Variants in TYMS observed in about 807,000 individuals in gnomAD.
TYMS encodes the protein thymidylate synthetase, also known as thymidylate synthase.
A neutral mutation model predicts 39.3 loss-of-function variants in TYMS; 21 were observed. That is an observed-to-expected ratio of 0.54 (90% CI 0.38 to 0.77). The LOEUF (loss-of-function observed/expected upper bound fraction) is 0.77. Ranked by LOEUF, TYMS falls within the 30% of genes least tolerant of loss-of-function variation. The pLI is 0.00. For synonymous variants in TYMS, 171 were observed against 162.2 expected (o/e 1.05, Z -0.41); for missense variants, 273 against 406.7 (o/e 0.67, Z 2.83).
intron 1 of TYMS, among the ~76,000 whole-genome samples, chr18:659,132 A>G (rs2074728754): frequency 6.6e-6 from 1 of 152,212 alleles, no homozygotes; most frequent in African/African-American, 2.4e-5. Flanking sequence ...AATTCTGATA[A>G]AAGCAGGTGC....
At chr18:666,963 A>ATGGTGATGGAGATGGT in intron 3 of TYMS, among the ~76,000 whole-genome samples, 1 of 15,908 alleles carries the variant, frequency 6.3e-5, no homozygotes, top group Non-Finnish European at 1.1e-4. Flanking sequence ...ATGGAGATGG[A>ATGGTGATGGAGATGGT]GATGGTGATG....
At chr18:671,810 C>G (rs1411865873) in intron 6 of TYMS, 2 of 249,438 alleles carry the variant, frequency 8.0e-6, no homozygotes, top group Non-Finnish European at 1.5e-5. Flanking sequence ...TGGAGTCTTT[C>G]TCTGTCGGCC....
At position 658,309 on chromosome 18, in the gene TYMS, G is replaced by T; in HGVS notation, c.205+362G>T. 1 of 1,383,746 alleles carries T rather than the reference G, an allele frequency of 7.2e-7. No individual in the cohort carries two copies. The highest frequency in any genetic ancestry group is 2.2e-5 in the Admixed American group (1 of 44,986). 85.7% of individuals were successfully genotyped at this position (1,383,746 alleles called of 1,614,324 possible). ...AGCTGCCTGGGCTTGACCGCGCGCCGGTCTCAAAGTCCTGGCTTTGGCCCC... is the reference window on the plus strand; with the variant it reads ...AGCTGCCTGGGCTTGACCGCGCGCCTGTCTCAAAGTCCTGGCTTTGGCCCC... On this transcript the variant is annotated intron_variant, in intron 1 of 6. Coordinates refer to ENST00000323274, the MANE Select transcript of TYMS (RefSeq NM_001071.4). The surrounding 1 kb of genome is among the most constrained non-coding windows in gnomAD (Gnocchi z 4.5).
At chr18:666,951 T>A (rs80163547) in intron 3 of TYMS, among the ~76,000 whole-genome samples, 855 of 21,200 alleles carry the variant, frequency 0.04, 96 homozygotes, top group East Asian at 0.092. Context: ...ATGGTGATGG[T>A]GATGGAGATG....
At chr18:661,751 C>T (rs1380236841) in intron 2 of TYMS, among the ~76,000 whole-genome samples, 3 of 152,110 alleles carry the variant, frequency 2.0e-5, no homozygotes, top group South Asian at 2.1e-4. Flanking sequence ...TTCGGGAGGC[C>T]GAAGTGGGCG....
chr18:671,225 TAAC>T (rs1481936067), intron 5 of TYMS, 152 bp from the exon 6 acceptor site: 8 of 652,246 alleles, frequency 1.2e-5, no homozygotes, highest in African/African-American at 1.8e-5. Flanking sequence ...CTGGGCAACA[TAAC>T]AAGATGCTGT....
intron 3 of TYMS, 24 bp from the exon 4 acceptor site, chr18:669,048 C>A (rs374649527): frequency 2.1e-5 from 33 of 1,583,954 alleles, no homozygotes; most frequent in Non-Finnish European, 2.8e-5. Flanking sequence ...ATGTACCTGT[C>A]CTCTCTTTTT....
rs1475565674 is a variant in TYMS at position 660,315 on chromosome 18, C to T, written c.279+601C>T. 6.6e-6 allele frequency among the ~76,000 whole-genome samples: 1 copy of T among 152,176 alleles called. No individual in the cohort carries two copies. The highest frequency in any genetic ancestry group is 2.4e-5 in the African/African-American group (1 of 41,458). ...TCTTCCTTTGAGTCTCTACTCCACT[C>T]GGGCAAGCCTTCCTAGACCTCCTGA... On this transcript the variant is annotated intron_variant, in intron 2 of 6. Coordinates refer to ENST00000323274, the MANE Select transcript of TYMS (RefSeq NM_001071.4). The surrounding 1 kb of genome is among the most constrained non-coding windows in gnomAD (Gnocchi z 4.6).
At position 657,800 on chromosome 18, in the gene TYMS, C is replaced by T; in HGVS notation, c.58C>T (p.Arg20Trp). Reference sequence around the variant, plus strand: ...GCCCTTGCCCCCCGCCGCACAGGAGCGGGACGCCGAGCCGCGTCCGCCGCA... The same window carrying T: ...GCCCTTGCCCCCCGCCGCACAGGAGTGGGACGCCGAGCCGCGTCCGCCGCA... ...RRPLPPAAQE[R>W]DAEPRPPHGE... Residue 20 changes from arginine (R) to tryptophan (W), a missense_variant, in exon 1 of 7, where the codon CGG becomes TGG. Around this residue, in one of 3 missense-constraint regions of TYMS, gnomAD observed 228 missense variants for 326.1 expected, o/e 0.70. Coordinates refer to ENST00000323274, the MANE Select transcript of TYMS (RefSeq NM_001071.4). The T allele has an allele frequency of 1.4e-6, 2 of 1,464,058 alleles. No individual in the cohort carries two copies. Among genetic ancestry groups the T allele is most frequent in the South Asian group, 2.8e-5 (2 of 72,186 alleles). 90.7% of individuals were successfully genotyped at this position (1,464,058 alleles called of 1,614,324 possible). A position where few individuals can be genotyped will look rare whatever the true frequency, so the allele number is the denominator to read the frequency against.
In TYMS at chr18:670,759, G is replaced by A; in HGVS notation, c.624G>A (p.Leu208=). ...AGTTCTATGTGGTGAACAGTGAGCT[G>A]TCCTGCCAGCTGTACCAGAGATCGG... is the stretch of plus-strand genomic sequence containing the variant. The part of the protein sequence containing the change: ...LCQFYVVNSE[L]SCQLYQRSGD... The change falls in exon 5 of 7, where the codon CTG becomes CTA. Residue 208 remains leucine (L), a synonymous_variant. Transcript: ENST00000323274. 4 of 1,614,206 alleles carry A rather than the reference G, an allele frequency of 2.5e-6. No individual in the cohort carries two copies. The highest frequency in any genetic ancestry group is 3.4e-6 in the Non-Finnish European group (4 of 1,180,048).
chr18:669,210 ATACTCT>A (rs1567992357), intron 4 of TYMS, 37 bp downstream of exon 4: 1 of 1,573,032 alleles, frequency 6.4e-7, no homozygotes, highest in Non-Finnish European at 8.7e-7. Context: ...TATACTAACC[ATACTCT>A]TAGAGGGAAG....
At chr18:667,731 G>C (rs554933192) in intron 3 of TYMS, 1 of 152,190 alleles carries the variant, frequency 6.6e-6, no homozygotes, top group Non-Finnish European at 1.5e-5. Context: ...AAGCTGCTGC[G>C]TGGGCCAAGT....
intron 2 of TYMS, among the ~76,000 whole-genome samples, chr18:661,085 A>C (rs1345639724): frequency 6.6e-6 from 1 of 152,224 alleles, no homozygotes; most frequent in African/African-American, 2.4e-5. Context: ...GAATGGATGA[A>C]AAGGAGAGAC....
chr18:665,127 G>A (rs1327479410), intron 3 of TYMS, among the ~76,000 whole-genome samples: 1 of 149,784 alleles, frequency 6.7e-6, no homozygotes, highest in African/African-American at 2.5e-5. Context: ...GGTAGAATTC[G>A]GCTGTGAATC....
rs2074874644 is a variant in TYMS, at chr18:667,487, TGATGGTGATGGA to T, written c.455-1573_455-1562del. Among the ~76,000 whole-genome samples the T allele has an allele frequency of 1.7e-4, 5 of 28,992 alleles. 1 individual carries two copies. Among genetic ancestry groups the T allele is most frequent in the African/African-American group, 5.8e-4 (2 of 3,456 alleles). The allele number at this position is 28,992 out of a possible 152,430, so 19.0% of individuals were successfully genotyped here. A position where few individuals can be genotyped will look rare whatever the true frequency, so the allele number is the denominator to read the frequency against. On this transcript the variant is annotated intron_variant, in intron 3 of 6. Transcript: ENST00000323274. ...GAGATGGTGATGGTGATGGTGATGGTGATGGTGATGGAGATGGTGATGGTGATGGTGATGGTG... is the reference window on the plus strand; with the variant it reads ...GAGATGGTGATGGTGATGGTGATGGTGATGGTGATGGTGATGGTGATGGTG...
Position 667,467 on chromosome 18 carries a change from GGT to G in TYMS, c.455-1603_455-1602del, listed in dbSNP as rs1429753539. On this transcript the variant is annotated intron_variant, in intron 3 of 6. Transcript: ENST00000323274. ...TGATGGTGATGGTGATGATGGAGAT[GGT>G]GATGGTGATGGTGATGGTGATGGTG... Among the ~76,000 whole-genome samples the G allele has an allele frequency of 6.4e-4, 10 of 15,544 alleles. 3 individuals carry two copies. The highest frequency in any genetic ancestry group is 3.0e-3 in the African/African-American group (5 of 1,648). The allele number at this position is 15,544 out of a possible 152,430, so 10.2% of individuals were successfully genotyped here. A position where few individuals can be genotyped will look rare whatever the true frequency, so the allele number is the denominator to read the frequency against.
At chr18:663,447 T>G (rs76206895) in intron 3 of TYMS, among the ~76,000 whole-genome samples, 7,581 of 62,786 alleles carry the variant, frequency 0.12, 859 homozygotes, top group Middle Eastern at 0.29. Context: ...TTGCAAAAAT[T>G]TTCTCCCATT....
rs1241347689 is a variant in TYMS, at chr18:663,541, TTG to T, written c.454+1223_454+1224del. On this transcript the variant is annotated intron_variant, in intron 3 of 6. Transcript: ENST00000323274. ...TTTAATTAGATCCCATTTGTCAATT[TTG>T]TCTTTTGTTGCCATTGCTTTTGGTG... 3.4e-5 allele frequency among the ~76,000 whole-genome samples: 3 copies of T among 87,132 alleles called. 1 individual carries two copies. The highest frequency in any genetic ancestry group is 6.2e-5 in the Non-Finnish European group (3 of 48,588). The allele number at this position is 87,132 out of a possible 152,430, so 57.2% of individuals were successfully genotyped here. A position where few individuals can be genotyped will look rare whatever the true frequency, so the allele number is the denominator to read the frequency against.
In TYMS at chr18:659,684, T is replaced by C. The variant is rs2074736789; in HGVS notation, c.249T>C (p.Gly83=). 1 of 1,613,930 alleles carries C rather than the reference T, an allele frequency of 6.2e-7. No individual in the cohort carries two copies. The highest frequency in any genetic ancestry group is 1.3e-5 in the African/African-American group (1 of 74,882). Residue 83 remains glycine, a synonymous_variant, in exon 2 of 7, where the codon GGT becomes GGC. Coordinates refer to ENST00000323274, the MANE Select transcript of TYMS (RefSeq NM_001071.4). ...LLTTKRVFWK[G]VLEELLWFIK... ...CAACCAAACGTGTGTTCTGGAAGGG[T>C]GTTTTGGAGGAGTTGCTGTGGTTTA...
Sources: allele counts gnomAD v4.1 joint callset (sites outside exome capture counted in the v4.1 genomes callset), GRCh38; gene constraint gnomAD v4.1.1; regional missense constraint gnomAD v4.1.1; non-coding constraint Gnocchi (gnomAD v3.1); transcripts MANE v1.5; gene names NCBI Gene and HGNC (gene_info 2026-07-23, HGNC 2026-07-21).